The following LRP1B variants were observed in gnomAD, a reference collection of about 807,000 sequenced individuals.
LRP1B encodes LDL receptor related protein 1B.
Under a neutral mutation model 556.6 loss-of-function variants are expected in LRP1B, and 217 were observed. The observed-to-expected ratio is 0.39, with a 90% CI of 0.35 to 0.44. LRP1B has a LOEUF of 0.44. LRP1B is among the 20% of genes least tolerant of loss of function. The pLI is 1.00. For synonymous variants in LRP1B, 2,047 were observed against 1,865.8 expected (o/e 1.10, Z -2.50); for missense variants, 5,053 against 5,620.8 (o/e 0.90, Z 3.23).
chr2:140,514,414 G>A lies in LRP1B; in HGVS notation c.8269+239C>T, dbSNP rs551960801. ...ATTCACCGAAAGCTAGAAATAAAAT[G>A]TACAAATACATTTGTTGTGGCAATA... On this transcript the variant is annotated intron_variant, in intron 51 of 90. Transcript: ENST00000389484. Among the ~76,000 whole-genome samples the A allele has an allele frequency of 1.3e-4, 19 of 151,878 alleles. No homozygotes were observed. The East Asian group carries it at 1.7e-3, about 14-fold the overall frequency.
chr2:141,608,839 T>C (rs80053693), intron 2 of LRP1B, among the ~76,000 whole-genome samples: 149 of 152,328 alleles, frequency 9.8e-4, no homozygotes, highest in African/African-American at 3.5e-3. Context: ...TATTTGTAGC[T>C]AATTTATTTA....
chr2:141,148,859 G>A (rs775433657), intron 7 of LRP1B, among the ~76,000 whole-genome samples: 5 of 152,112 alleles, frequency 3.3e-5, no homozygotes, highest in African/African-American at 7.2e-5. Flanking sequence ...CGAGGCAGGC[G>A]GATCACTTGA....
At chr2:141,887,656 A>G (rs953818649) in intron 1 of LRP1B, among the ~76,000 whole-genome samples, 1 of 152,230 alleles carries the variant, frequency 6.6e-6, no homozygotes, top group Non-Finnish European at 1.5e-5. Flanking sequence ...TGTCTGAGGT[A>G]CTTCTAAATG....
At chr2:142,093,456 A>G (rs1187363058) in intron 1 of LRP1B, among the ~76,000 whole-genome samples, 1 of 152,138 alleles carries the variant, frequency 6.6e-6, no homozygotes, top group Non-Finnish European at 1.5e-5. Context: ...TAAGATCACC[A>G]CGTTCTCTTG....
chr2:140,941,839 T>C (rs1158270533), intron 20 of LRP1B, among the ~76,000 whole-genome samples: 1 of 152,114 alleles, frequency 6.6e-6, no homozygotes, highest in Admixed American at 6.6e-5. Flanking sequence ...ACCAGCTCCA[T>C]CAGATAATGA....
At chr2:142,075,022 C>T (rs999955344) in intron 1 of LRP1B, among the ~76,000 whole-genome samples, 3 of 152,110 alleles carry the variant, frequency 2.0e-5, no homozygotes, top group African/African-American at 4.8e-5. Context: ...AGCTCTTTCA[C>T]CATTCCAAAA....
intron 2 of LRP1B, among the ~76,000 whole-genome samples, chr2:141,576,824 TTTTTA>T (rs1230715521): frequency 1.3e-5 from 2 of 150,068 alleles, no homozygotes; most frequent in Admixed American, 6.6e-5. Flanking sequence ...TTCTTTTTTT[TTTTTA>T]AATTTTTTTG....
rs941850318 is a variant in LRP1B at position 140,748,834 on chromosome 2, T to G, written c.5758+20379A>C. Among the ~76,000 whole-genome samples the G allele has an allele frequency of 9.8e-4, 118 of 120,536 alleles. 4 individuals carry two copies. Among genetic ancestry groups the G allele is most frequent in the African/African-American group, 3.9e-3 (116 of 30,004 alleles). 79.1% of individuals were successfully genotyped at this position (120,536 alleles called of 152,430 possible). A position where few individuals can be genotyped will look rare whatever the true frequency, so the allele number is the denominator to read the frequency against. ...ACATGTATATAATATATATCATATA[T>G]TATATACATGTATATAATATATATA... On this transcript the variant is annotated intron_variant, in intron 35 of 90. Coordinates refer to ENST00000389484, the MANE Select transcript of LRP1B (RefSeq NM_018557.3).
chr2:141,962,896 A>G (rs1701442689), intron 1 of LRP1B, among the ~76,000 whole-genome samples: 1 of 151,862 alleles, frequency 6.6e-6, no homozygotes, highest in Non-Finnish European at 1.5e-5. Flanking sequence ...AGTAAGTGCC[A>G]TTACATATGC....
intron 3 of LRP1B, 76 bp from the exon 4 acceptor site, chr2:141,254,717 CTTACA>C: frequency 8.6e-7 from 1 of 1,161,718 alleles, no homozygotes; most frequent in Non-Finnish European, 1.2e-6. Context: ...GTGTACAATC[CTTACA>C]CTATAGTCTT....
intron 2 of LRP1B, among the ~76,000 whole-genome samples, chr2:141,655,502 C>T (rs1689971947): frequency 6.6e-6 from 1 of 152,018 alleles, no homozygotes; most frequent in Non-Finnish European, 1.5e-5. Context: ...GTGTCCCTAT[C>T]CATGTAAATT....
Position 141,480,558 on chromosome 2 carries a change from A to C in LRP1B, c.206-25T>G, listed in dbSNP as rs747659035. 3 of 1,612,770 alleles carry C rather than the reference A, an allele frequency of 1.9e-6. No homozygotes were observed. In the African/African-American group the frequency reaches 4.0e-5, roughly 22 times the overall value. ...CCTGAAAAGATGTAAAAAAGAACAG[A>C]ATTATGTGTTAGCTTTTCTAAATGG... On this transcript the variant is annotated intron_variant, in intron 2 of 90. Transcript: ENST00000389484.
At chr2:141,727,399 C>T (rs1693079898) in intron 2 of LRP1B, among the ~76,000 whole-genome samples, 1 of 152,112 alleles carries the variant, frequency 6.6e-6, no homozygotes, top group Non-Finnish European at 1.5e-5. Flanking sequence ...TATAACTTTT[C>T]ACACTGTGCT....
At chr2:140,650,145 G>C (rs984622879) in intron 41 of LRP1B, among the ~76,000 whole-genome samples, 3 of 151,412 alleles carry the variant, frequency 2.0e-5, no homozygotes, top group African/African-American at 7.3e-5. Flanking sequence ...ATAATGTATT[G>C]GCAAACAAAG....
intron 2 of LRP1B, among the ~76,000 whole-genome samples, chr2:141,694,962 CA>C: frequency 6.6e-6 from 1 of 151,920 alleles, no homozygotes; most frequent in Non-Finnish European, 1.5e-5. Flanking sequence ...CTCTTTTCAG[CA>C]GATTGAATAA....
rs57919117 is a variant in LRP1B, at chr2:141,856,464, C to T, written c.83-46063G>A. Among the ~76,000 whole-genome samples, 401 of 152,218 alleles carry T rather than the reference C, an allele frequency of 2.6e-3. 1 individual carries two copies. Among genetic ancestry groups the T allele is most frequent in the African/African-American group, 9.0e-3 (375 of 41,542 alleles). Reference sequence around the variant, plus strand: ...GGGAAACCACTGTTCATACAAATTTCACCTAGCAACCATCAAAGGGTTTGA... The same window carrying T: ...GGGAAACCACTGTTCATACAAATTTTACCTAGCAACCATCAAAGGGTTTGA... On this transcript the variant is annotated intron_variant, in intron 1 of 90. Coordinates refer to ENST00000389484, the MANE Select transcript of LRP1B (RefSeq NM_018557.3).
In LRP1B at chr2:140,321,953, G is replaced by T. The variant is rs201964013; in HGVS notation, c.12640+10C>A. The stretch of plus-strand genomic sequence containing the variant: ...AATTCATTATTTACAGAATAATAAA[G>T]TATACCCACCTAACAGGCTGTCATC... On this transcript the variant is annotated intron_variant, in intron 82 of 90. Coordinates refer to ENST00000389484, the MANE Select transcript of LRP1B (RefSeq NM_018557.3). 149 of 1,609,220 alleles carry T rather than the reference G, an allele frequency of 9.3e-5. 1 individual carries two copies. The highest frequency in any genetic ancestry group is 2.0e-5 in the Non-Finnish European group (23 of 1,177,910).
intron 2 of LRP1B, among the ~76,000 whole-genome samples, chr2:141,585,422 C>T (rs1332098609): frequency 3.9e-5 from 5 of 129,262 alleles, no homozygotes; most frequent in South Asian, 6.2e-4. Context: ...CTGAAATAAT[C>T]GTGTGTGTGT....
At chr2:140,613,390 TATAA>T (rs1236702599) in intron 41 of LRP1B, among the ~76,000 whole-genome samples, 1 of 129,232 alleles carries the variant, frequency 7.7e-6, no homozygotes, top group African/African-American at 2.6e-5. Flanking sequence ...ATTATATACA[TATAA>T]ATATAAATAA....
Sources: allele counts gnomAD v4.1 joint callset (sites outside exome capture counted in the v4.1 genomes callset), GRCh38; gene constraint gnomAD v4.1.1; transcripts MANE v1.5; gene names NCBI Gene and HGNC (gene_info 2026-07-23, HGNC 2026-07-21).